Variants in PTGS1 observed in about 807,000 individuals in gnomAD.
The protein encoded by PTGS1 is prostaglandin-endoperoxide synthase 1.
Under a neutral mutation model 63.0 loss-of-function variants are expected in PTGS1, and 40 were observed. The ratio of observed to expected loss-of-function variants is 0.63; its 90% CI spans 0.49 to 0.83. The LOEUF (loss-of-function observed/expected upper bound fraction) is 0.83. PTGS1 is among the 40% of genes least tolerant of loss of function. The pLI, the probability that PTGS1 is intolerant of heterozygous loss-of-function variation, is 0.00. For missense variants in PTGS1, 709 were observed against 786.5 expected (o/e 0.90, Z 1.18); for synonymous variants, 298 against 301.9 (o/e 0.99, Z 0.13).
chr9:122,392,773 T>C lies in PTGS1; in HGVS notation c.*229T>C, dbSNP rs1339548334. On this transcript the variant is annotated 3_prime_UTR_variant, in exon 11 of 11. Transcript: ENST00000362012. ...CCCTTCAGATTGTTAGGAGTGGTTC[T>C]CATTTGGTCTGCCAGAATACTGGGT... 4 of 468,418 alleles carry C rather than the reference T, an allele frequency of 8.5e-6. No individual in the cohort carries two copies. The East Asian group carries it at 1.3e-4, about 15-fold the overall frequency. The allele number at this position is 468,418 out of a possible 1,614,324, so 29.0% of individuals were successfully genotyped here. A position where few individuals can be genotyped will look rare whatever the true frequency, so the allele number is the denominator to read the frequency against.
Position 122,390,276 on chromosome 9 carries a change from C to A in PTGS1, c.1375C>A (p.Leu459Met). 6.2e-7 allele frequency: 1 copy of A among 1,614,208 alleles called. No individual in the cohort carries two copies. The highest frequency in any genetic ancestry group is 8.5e-7 in the Non-Finnish European group (1 of 1,180,024). ...DVIRESREMR[L>M]QPFNEYRKRF... ...CATCAGGGAGTCTCGGGAGATGCGGCTGCAGCCCTTCAATGAGTACCGCAA... is the reference window on the plus strand; with the variant it reads ...CATCAGGGAGTCTCGGGAGATGCGGATGCAGCCCTTCAATGAGTACCGCAA... The change falls in exon 10 of 11, where the codon CTG (leucine) becomes ATG (methionine). Residue 459 changes from leucine (L) to methionine (M), a missense_variant. Transcript: ENST00000362012.
Position 122,387,411 on chromosome 9 carries a change from C to T in PTGS1, c.1296+679C>T, listed in dbSNP as rs533505123. Among the ~76,000 whole-genome samples, 10 of 152,270 alleles carry T rather than the reference C, an allele frequency of 6.6e-5. No individual in the cohort carries two copies. In the South Asian group the frequency reaches 1.9e-3, roughly 28 times the overall value. On this transcript the variant is annotated intron_variant, in intron 9 of 10. Coordinates refer to ENST00000362012, the MANE Select transcript of PTGS1 (RefSeq NM_000962.4). Reference sequence around the variant, plus strand: ...GCCTCCGCTCTGGGCTGAATTGTGGCTCTTTTAAAGTTCGTATGTTGAAAT... The same window carrying T: ...GCCTCCGCTCTGGGCTGAATTGTGGTTCTTTTAAAGTTCGTATGTTGAAAT...
chr9:122,392,332 C>T lies in PTGS1; in HGVS notation c.1588C>T (p.Leu530Phe), dbSNP rs1184126734. 2 of 1,614,108 alleles carry T rather than the reference C, an allele frequency of 1.2e-6. No individual in the cohort carries two copies. Among genetic ancestry groups the T allele is most frequent in the East Asian group, 4.5e-5 (2 of 44,884 alleles). ...GATAGAGATTGGGGCTCCCTTTTCC[C>T]TCAAGGGTCTCCTAGGGAATCCCAT... ...SMIEIGAPFSLKGLLGNPICS... is the reference protein window; with the variant it reads ...SMIEIGAPFSFKGLLGNPICS... Residue 530 changes from leucine (L) to phenylalanine (F), a missense_variant, in exon 11 of 11, where the codon CTC becomes TTC. Physicochemically the swap from Leu to Phe is conservative, Grantham distance 22. Transcript: ENST00000362012.
At chr9:122,374,867 TTAA>T (rs1837025179) in intron 2 of PTGS1, among the ~76,000 whole-genome samples, 1 of 152,054 alleles carries the variant, frequency 6.6e-6, no homozygotes, top group Non-Finnish European at 1.5e-5. Flanking sequence ...AGGAGGGAGA[TTAA>T]GTCTTGGCTC....
chr9:122,377,152 C>T (rs559321827), intron 2 of PTGS1, among the ~76,000 whole-genome samples: 41 of 152,168 alleles, frequency 2.7e-4, no homozygotes, highest in African/African-American at 8.4e-4. Flanking sequence ...CCTTGGAGTC[C>T]CCCTCCTCCT....
chr9:122,381,824 G>T, intron 7 of PTGS1, 77 bp downstream of exon 7: 1 of 1,462,408 alleles, frequency 6.8e-7, no homozygotes, highest in East Asian at 2.3e-5. Flanking sequence ...TTGGGGCGGG[G>T]GTCTGGGTCA....
intron 10 of PTGS1, among the ~76,000 whole-genome samples, chr9:122,391,769 G>A (rs1838301469): frequency 1.3e-5 from 2 of 151,956 alleles, no homozygotes; most frequent in Admixed American, 1.3e-4. Flanking sequence ...GCTCGGACAT[G>A]TTACATCTTT....
chr9:122,383,338 T>C lies in PTGS1; in HGVS notation c.763-171T>C, dbSNP rs550180176. Reference sequence around the variant, plus strand: ...GATGAGCGGGGGTTGCTTGAGGTAGTGGTGGTAGAGATGGAGAGCAGGGGA... The same window carrying C: ...GATGAGCGGGGGTTGCTTGAGGTAGCGGTGGTAGAGATGGAGAGCAGGGGA... On this transcript the variant is annotated intron_variant, in intron 7 of 10. Transcript: ENST00000362012. 1.1e-3 allele frequency among the ~76,000 whole-genome samples: 163 copies of C among 150,898 alleles called. 1 individual carries two copies. Among genetic ancestry groups the C allele is most frequent in the African/African-American group, 3.9e-3 (160 of 41,032 alleles).
intron 10 of PTGS1, among the ~76,000 whole-genome samples, chr9:122,391,279 TATATAC>T (rs1485563915): frequency 6.9e-6 from 1 of 144,482 alleles, no homozygotes; most frequent in African/African-American, 2.5e-5. Flanking sequence ...TATATATCAA[TATATAC>T]ATATACATAT....
intron 3 of PTGS1, 89 bp from the exon 4 acceptor site, chr9:122,378,344 G>A: frequency 1.9e-6 from 3 of 1,567,428 alleles, no homozygotes; most frequent in African/African-American, 1.3e-5. Context: ...TTCCACCCTG[G>A]CCCTTGTCCT....
Position 122,392,764 on chromosome 9 carries a change from G to C in PTGS1, c.*220G>C. On this transcript the variant is annotated 3_prime_UTR_variant, in exon 11 of 11. Transcript: ENST00000362012. ...CCTTGTTAGCCCTTCAGATTGTTAG[G>C]AGTGGTTCTCATTTGGTCTGCCAGA... 1 of 500,592 alleles carries C rather than the reference G, an allele frequency of 2.0e-6. No homozygotes were observed. Among genetic ancestry groups the C allele is most frequent in the East Asian group, 3.0e-5 (1 of 33,176 alleles). 31.0% of individuals were successfully genotyped at this position (500,592 alleles called of 1,614,324 possible). A position where few individuals can be genotyped will look rare whatever the true frequency, so the allele number is the denominator to read the frequency against.
chr9:122,381,777 G>T, intron 7 of PTGS1, 30 bp downstream of exon 7: 1 of 1,598,122 alleles, frequency 6.3e-7, no homozygotes. Context: ...TAGGGCAGAG[G>T]GAGGGGTCTC....
rs371818443 is a variant in PTGS1 at position 122,386,731 on chromosome 9, G to A, written c.1295G>A (p.Arg432Gln). ...GCCTTCTCTCGCCAGATTGCTGGCC[G>A]GGTAAGCCCCAGAGGAGTGCTGGTG... The part of the protein sequence containing the change: ...VDAFSRQIAG[R>Q]IGGGRNMDHH... The change falls in exon 9 of 11, where the codon CGG becomes CAG. Residue 432 changes from arginine to glutamine, a missense_variant and splice_region_variant. Transcript: ENST00000362012. 47 of 1,613,792 alleles carry A rather than the reference G, an allele frequency of 2.9e-5. No individual in the cohort carries two copies. Among genetic ancestry groups the A allele is most frequent in the East Asian group, 1.1e-4 (5 of 44,880 alleles).
intron 2 of PTGS1, chr9:122,371,953 A>C: frequency 4.0e-6 from 3 of 758,294 alleles, no homozygotes; most frequent in Admixed American, 2.2e-5. Flanking sequence ...TTCTACCCAC[A>C]ATGGACCCGG....
chr9:122,375,593 C>A, intron 2 of PTGS1: 1 of 715,142 alleles, frequency 1.4e-6, no homozygotes, highest in Non-Finnish European at 1.7e-6. Flanking sequence ...GCGGGGGTCC[C>A]TTCTCCTGGA....
In PTGS1 at chr9:122,378,035, C is replaced by T; in HGVS notation, c.211+20C>T. ...CCATCCGTGAGCTGGGCCTTCAGCC[C>T]TCACTCCTTCCGTCTTGAGCCCTTC... is the stretch of plus-strand genomic sequence containing the variant. On this transcript the variant is annotated intron_variant, in intron 3 of 10. Coordinates refer to ENST00000362012, the MANE Select transcript of PTGS1 (RefSeq NM_000962.4). The T allele has an allele frequency of 6.3e-7, 1 of 1,598,378 alleles. No homozygotes were observed. Among genetic ancestry groups the T allele is most frequent in the South Asian group, 1.1e-5 (1 of 90,856 alleles).
intron 10 of PTGS1, among the ~76,000 whole-genome samples, chr9:122,390,875 C>A (rs371536999): frequency 6.6e-6 from 1 of 151,672 alleles, no homozygotes; most frequent in African/African-American, 2.4e-5. Context: ...CCAGCCTGGG[C>A]GACAGAGCGA....
chr9:122,371,554 T>C (rs1213220155), intron 2 of PTGS1: 1 of 1,412,542 alleles, frequency 7.1e-7, no homozygotes, highest in Non-Finnish European at 9.2e-7. Flanking sequence ...CCCTCACCTG[T>C]TCTGGGCCCC....
chr9:122,378,317 C>T, intron 3 of PTGS1, 116 bp from the exon 4 acceptor site: 3 of 1,415,660 alleles, frequency 2.1e-6, no homozygotes, highest in Non-Finnish European at 2.9e-6. Flanking sequence ...ACCCACTTCC[C>T]CATAGGTGCT....
Sources: gnomAD v4.1 joint callset for allele counts (sites outside exome capture counted in the v4.1 genomes callset) on GRCh38, gnomAD v4.1.1 for gene constraint, MANE v1.5 for transcripts, NCBI Gene and HGNC (gene_info 2026-07-23, HGNC 2026-07-21) for gene names.